PKHD1: variants seen among roughly 807,000 people sequenced by gnomAD.
The protein encoded by PKHD1 is PKHD1 ciliary IPT domain containing fibrocystin/polyductin, also known as fibrocystin.
A neutral mutation model predicts 412.0 loss-of-function variants in PKHD1; 291 were observed. The ratio of observed to expected loss-of-function variants is 0.71; its 90% CI spans 0.64 to 0.78. PKHD1 has a LOEUF of 0.78. PKHD1 is among the 30% of genes least tolerant of loss of function. The pLI, the probability that PKHD1 is intolerant of heterozygous loss-of-function variation, is 0.00. For synonymous variants in PKHD1, 1,777 were observed against 1,821.5 expected (o/e 0.98, Z 0.62); for missense variants, 4,825 against 4,950.7 (o/e 0.97, Z 0.76).
At position 52,070,445 on chromosome 6, in the gene PKHD1, C is replaced by T. The variant is rs1242652607; in HGVS notation, c.668G>A (p.Gly223Asp). The change falls in exon 10 of 67, where the codon GGC becomes GAC. Residue 223 changes from glycine to aspartate, a missense_variant and splice_region_variant. Physicochemically the swap from Gly to Asp is moderately conservative, Grantham distance 94. Transcript: ENST00000371117. Reference protein sequence around the residue: ...LQCHVEGDYIGSQNVSFSVFN... With the variant: ...LQCHVEGDYIDSQNVSFSVFN... The stretch of plus-strand genomic sequence containing the variant: ...TACTGAGAAGCTAACATTCTGGGAG[C>T]CTGTAACACAAAGAAACACACATTA... 6.2e-7 allele frequency: 1 copy of T among 1,609,662 alleles called. No homozygotes were observed. Among genetic ancestry groups the T allele is most frequent in the South Asian group, 1.1e-5 (1 of 90,988 alleles).
At chr6:52,018,264 A>G (rs1328915498) in intron 33 of PKHD1, among the ~76,000 whole-genome samples, 1 of 152,184 alleles carries the variant, frequency 6.6e-6, no homozygotes, top group East Asian at 1.9e-4. Flanking sequence ...TCTAGGGTGC[A>G]TGCCTATCAA....
chr6:51,991,387 C>A (rs577773005), intron 35 of PKHD1, among the ~76,000 whole-genome samples: 113 of 152,222 alleles, frequency 7.4e-4, no homozygotes, highest in African/African-American at 2.0e-3. Flanking sequence ...TAAAATATAG[C>A]CACTATGAGA....
chr6:51,887,588 A>G (rs565045545), intron 43 of PKHD1, among the ~76,000 whole-genome samples: 1 of 152,206 alleles, frequency 6.6e-6, no homozygotes, highest in East Asian at 1.9e-4. Flanking sequence ...GTGAGTTCTC[A>G]TGAGATCTGG....
In PKHD1 at chr6:51,887,178, G is replaced by C. The variant is rs1282531652; in HGVS notation, c.7064C>G (p.Ala2355Gly). ...FHLMTNQTSQ[A>G]PLLSFTQNIA... Reference sequence around the variant, plus strand: ...GTTCTGAGTGAAGGAAAGAAGCGGAGCTTGTGATGTTTGGTTGGTCATGAG... The same window carrying C: ...GTTCTGAGTGAAGGAAAGAAGCGGACCTTGTGATGTTTGGTTGGTCATGAG... Residue 2355 changes from alanine (A) to glycine (G), a missense_variant, in exon 44 of 67, where the codon GCT (alanine) becomes GGT (glycine). By Grantham distance (60) the Ala-to-Gly change is moderately conservative. Transcript: ENST00000371117. 6.2e-7 allele frequency: 1 copy of C among 1,613,320 alleles called. No homozygotes were observed. The highest frequency in any genetic ancestry group is 8.5e-7 in the Non-Finnish European group (1 of 1,179,278).
At chr6:52,080,046 C>G in intron 4 of PKHD1, 38 bp from the exon 5 acceptor site, 1 of 1,229,692 alleles carries the variant, frequency 8.1e-7, no homozygotes, top group South Asian at 1.2e-5. Flanking sequence ...GAATCAAAAA[C>G]CATGAATTCC....
chr6:52,065,162 TATATATAGAGAGAGAGAGAG>T (rs1809425276), intron 12 of PKHD1, 112 bp from the exon 13 acceptor site: 1 of 65,564 alleles, frequency 1.5e-5, no homozygotes, highest in Non-Finnish European at 2.6e-5. Flanking sequence ...TATATATATA[TATATATAGAGAGAGAGAGAG>T]AGAGAGAGAG....
intron 40 of PKHD1, 57 bp downstream of exon 40, chr6:51,909,226 G>A (rs1256641818): frequency 4.7e-5 from 59 of 1,246,254 alleles, no homozygotes; most frequent in Non-Finnish European, 5.2e-5. Flanking sequence ...CATGCATGTA[G>A]TGCCTTAAAC....
chr6:51,855,557 G>A (rs1407055), intron 49 of PKHD1, among the ~76,000 whole-genome samples: 140,297 of 152,262 alleles, frequency 0.92, 64,845 homozygotes, highest in East Asian at 0.99. Context: ...ATTGGCTATT[G>A]ACCAATAAGT....
At chr6:51,690,883 C>A (rs932587931) in intron 60 of PKHD1, among the ~76,000 whole-genome samples, 1 of 152,142 alleles carries the variant, frequency 6.6e-6, no homozygotes, top group Non-Finnish European at 1.5e-5. Context: ...AGTCAACCTA[C>A]AGAATGGGAG....
chr6:51,719,755 T>C (rs1781689434), intron 60 of PKHD1, among the ~76,000 whole-genome samples: 1 of 152,206 alleles, frequency 6.6e-6, no homozygotes, highest in Middle Eastern at 3.2e-3. Context: ...TGCTTTCTAA[T>C]AGCAAAAACT....
chr6:51,870,214 T>C (rs1775763393), intron 47 of PKHD1, among the ~76,000 whole-genome samples: 1 of 152,186 alleles, frequency 6.6e-6, no homozygotes, highest in African/African-American at 2.4e-5. Context: ...ATTAAAACTC[T>C]GAGCAAGAAA....
intron 65 of PKHD1, among the ~76,000 whole-genome samples, chr6:51,629,618 A>G (rs1767692207): frequency 6.6e-6 from 1 of 152,096 alleles, no homozygotes; most frequent in Non-Finnish European, 1.5e-5. Flanking sequence ...ACAAAAGCCA[A>G]TTTTACTTAA....
At chr6:51,873,910 A>G (rs1356386143) in intron 46 of PKHD1, among the ~76,000 whole-genome samples, 3 of 152,244 alleles carry the variant, frequency 2.0e-5, no homozygotes, top group Non-Finnish European at 4.4e-5. Flanking sequence ...AAAGTGCAAA[A>G]TAAGATGGTA....
intron 48 of PKHD1, among the ~76,000 whole-genome samples, chr6:51,857,007 G>A (rs779167348): frequency 2.0e-5 from 3 of 152,198 alleles, no homozygotes; most frequent in African/African-American, 4.8e-5. Context: ...TACCAAATGA[G>A]GAGACTGAGG....
chr6:51,740,899 G>A (rs917796102), intron 60 of PKHD1, among the ~76,000 whole-genome samples: 1 of 152,250 alleles, frequency 6.6e-6, no homozygotes, highest in South Asian at 2.1e-4. Flanking sequence ...CCTTGCAGTT[G>A]GTACCTATAG....
At chr6:51,657,419 C>A (rs1285488240) in intron 61 of PKHD1, among the ~76,000 whole-genome samples, 1 of 152,104 alleles carries the variant, frequency 6.6e-6, no homozygotes, top group Non-Finnish European at 1.5e-5. Context: ...TTCAGACATA[C>A]TTAAGAAGCA....
At position 51,647,980 on chromosome 6, in the gene PKHD1, G is replaced by C. The variant is rs776195885; in HGVS notation, c.11398+51C>G. ...TTCCTAATGGCTGCAAACATTTTCT[G>C]TGCAGATAAAGTGGTAACAGATATC... On this transcript the variant is annotated intron_variant, in intron 63 of 66. Coordinates refer to ENST00000371117, the MANE Select transcript of PKHD1 (RefSeq NM_138694.4). 4.5e-5 allele frequency: 46 copies of C among 1,028,962 alleles called. No homozygotes were observed. In the Admixed American group the frequency reaches 7.8e-4, roughly 17 times the overall value. The allele number at this position is 1,028,962 out of a possible 1,614,324, so 63.7% of individuals were successfully genotyped here.
chr6:52,075,284 C>T (rs1485510404), intron 6 of PKHD1, among the ~76,000 whole-genome samples: 3 of 152,218 alleles, frequency 2.0e-5, no homozygotes, highest in South Asian at 2.1e-4. Flanking sequence ...ATATAAAACG[C>T]TTTTCAATAA....
intron 57 of PKHD1, among the ~76,000 whole-genome samples, chr6:51,752,516 A>C (rs73426022): frequency 0.019 from 2,965 of 152,294 alleles, 91 homozygotes; most frequent in African/African-American, 0.068. Flanking sequence ...GCCAACAAAG[A>C]GTGTCCCATA....
Sources: gnomAD v4.1 joint callset for allele counts (sites outside exome capture counted in the v4.1 genomes callset) on GRCh38, gnomAD v4.1.1 for gene constraint, MANE v1.5 for transcripts, NCBI Gene and HGNC (gene_info 2026-07-23, HGNC 2026-07-21) for gene names.